The following FOXN3 variants were observed in gnomAD, a reference collection of about 807,000 sequenced individuals.
FOXN3 encodes forkhead box N3, also known as forkhead box protein N3.
Under a neutral mutation model 38.4 loss-of-function variants are expected in FOXN3, and 7 were observed. That is an observed-to-expected ratio of 0.18 (90% CI 0.10 to 0.34). The LOEUF (loss-of-function observed/expected upper bound fraction) is 0.34, where lower values mean the gene tolerates loss of function less well. FOXN3 is among the 10% of genes least tolerant of loss of function. The pLI is 1.00. For missense variants in FOXN3, 456 were observed against 613.4 expected (o/e 0.74, Z 2.71); for synonymous variants, 230 against 242.2 (o/e 0.95, Z 0.47).
chr14:89,410,436 A>T (rs1891514179), intron 2 of FOXN3, among the ~76,000 whole-genome samples: 1 of 152,214 alleles, frequency 6.6e-6, no homozygotes, highest in Non-Finnish European at 1.5e-5. Flanking sequence ...ACACAGTCAC[A>T]TGAAAACTTA....
chr14:89,375,423 A>AT (rs1179291896), intron 2 of FOXN3, among the ~76,000 whole-genome samples: 1 of 152,210 alleles, frequency 6.6e-6, no homozygotes, highest in Non-Finnish European at 1.5e-5. Flanking sequence ...TTCATACCAC[A>AT]TTTTAATTCA....
At chr14:89,226,764 T>C (rs757388653) in intron 4 of FOXN3, among the ~76,000 whole-genome samples, 2 of 152,148 alleles carry the variant, frequency 1.3e-5, no homozygotes, top group Non-Finnish European at 2.9e-5. Flanking sequence ...CCTAATCTAA[T>C]ATAAGCAGTA....
chr14:89,567,842 C>G (rs925587892), intron 1 of FOXN3, among the ~76,000 whole-genome samples: 6 of 151,736 alleles, frequency 4.0e-5, no homozygotes, highest in African/African-American at 1.5e-4. Flanking sequence ...CCTACCTCAG[C>G]CTCCAGAGTA....
rs1373954963 is a variant in FOXN3, at chr14:89,360,558, G to A, written c.544-9750C>T. 1.9e-4 allele frequency among the ~76,000 whole-genome samples: 5 copies of A among 26,732 alleles called. No individual in the cohort carries two copies. The Admixed American group carries it at 2.0e-3, about 11-fold the overall frequency. The allele number at this position is 26,732 out of a possible 152,430, so 17.5% of individuals were successfully genotyped here. A position where few individuals can be genotyped will look rare whatever the true frequency, so the allele number is the denominator to read the frequency against. On this transcript the variant is annotated intron_variant, in intron 2 of 5. Coordinates refer to ENST00000557258, the MANE Select transcript of FOXN3 (RefSeq NM_005197.4). ...GGACACAGAGGGAGTGACGGAAGGA[G>A]GTGAGGAGAGAGAGAGAGAGAAGAA...
intron 1 of FOXN3, among the ~76,000 whole-genome samples, chr14:89,413,656 A>AGAAGGGAAGG (rs59949057): frequency 0.56 from 72,998 of 129,520 alleles, 23,222 homozygotes; most frequent in Non-Finnish European, 0.67. Flanking sequence ...AAGGTAAGGA[A>AGAAGGGAAGG]GAAGGGAAGG....
chr14:89,503,452 G>C (rs1893843361), intron 1 of FOXN3, among the ~76,000 whole-genome samples: 1 of 152,164 alleles, frequency 6.6e-6, no homozygotes, highest in African/African-American at 2.4e-5. Context: ...TTCAAACCTG[G>C]TGTGGATTTC....
chr14:89,277,582 C>T (rs868768264), intron 4 of FOXN3, among the ~76,000 whole-genome samples: 1 of 152,130 alleles, frequency 6.6e-6, no homozygotes, highest in African/African-American at 2.4e-5. Context: ...GCCCCTCTTG[C>T]CAGTGATTCT....
chr14:89,281,292 G>T (rs938394539), intron 3 of FOXN3, among the ~76,000 whole-genome samples: 1 of 152,146 alleles, frequency 6.6e-6, no homozygotes, highest in Non-Finnish European at 1.5e-5. Context: ...AAATTCACAT[G>T]GTTTAACGGC....
Position 89,519,458 on chromosome 14 carries a change from G to A in FOXN3, c.-15+99570C>T, listed in dbSNP as rs570592045. Among the ~76,000 whole-genome samples, 58 of 152,284 alleles carry A rather than the reference G, an allele frequency of 3.8e-4. 1 individual carries two copies. The highest frequency in any genetic ancestry group is 1.9e-3 in the South Asian group (9 of 4,826). On this transcript the variant is annotated intron_variant, in intron 1 of 6. Coordinates refer to the FOXN3 transcript ENST00000345097. ...CATTATGTACGCGTCAGAAGAGCCTGGTCACAGTTCATGGAGAGCCACTGG... is the reference window on the plus strand; with the variant it reads ...CATTATGTACGCGTCAGAAGAGCCTAGTCACAGTTCATGGAGAGCCACTGG...
intron 4 of FOXN3, among the ~76,000 whole-genome samples, chr14:89,197,708 G>A (rs1038441489): frequency 6.6e-6 from 1 of 152,160 alleles, no homozygotes; most frequent in Non-Finnish European, 1.5e-5. Flanking sequence ...GCTCCCCAGG[G>A]CATAAGCCTC....
intron 1 of FOXN3, among the ~76,000 whole-genome samples, chr14:89,532,483 C>T (rs990348366): frequency 6.6e-6 from 1 of 151,942 alleles, no homozygotes; most frequent in African/African-American, 2.4e-5. Flanking sequence ...TTTTTAAAAC[C>T]CTCTTCCCTC....
chr14:89,346,598 G>A (rs368380480), intron 3 of FOXN3, among the ~76,000 whole-genome samples: 17 of 152,098 alleles, frequency 1.1e-4, no homozygotes, highest in African/African-American at 3.9e-4. Flanking sequence ...AGAGGTACCC[G>A]GTATCAACAT....
chr14:89,336,863 G>C (rs1888476346), intron 3 of FOXN3, among the ~76,000 whole-genome samples: 1 of 152,204 alleles, frequency 6.6e-6, no homozygotes, highest in African/African-American at 2.4e-5. Flanking sequence ...TTGTATTAGA[G>C]AAATTCAGGT....
intron 2 of FOXN3, among the ~76,000 whole-genome samples, chr14:89,409,897 G>T (rs1456110515): frequency 6.6e-6 from 1 of 152,168 alleles, no homozygotes; most frequent in East Asian, 1.9e-4. Flanking sequence ...CATGGTCAAG[G>T]AAATTCCTCT....
intron 1 of FOXN3, among the ~76,000 whole-genome samples, chr14:89,464,615 T>C (rs535798789): frequency 1.3e-5 from 2 of 152,244 alleles, no homozygotes; most frequent in South Asian, 4.1e-4. Context: ...GTTCTCATAA[T>C]CCCCATGTGT....
At chr14:89,271,652 A>T (rs1489852931) in intron 4 of FOXN3, among the ~76,000 whole-genome samples, 1 of 152,198 alleles carries the variant, frequency 6.6e-6, no homozygotes, top group East Asian at 1.9e-4. Flanking sequence ...TAATTTTAGG[A>T]TTTCCTTTTT....
At chr14:89,590,138 A>T (rs1428046460) in intron 1 of FOXN3, among the ~76,000 whole-genome samples, 1 of 150,268 alleles carries the variant, frequency 6.7e-6, no homozygotes, top group East Asian at 1.9e-4. Flanking sequence ...AATAGAGAAC[A>T]TTTTTTTTTT....
chr14:89,259,327 T>C (rs368707078), intron 4 of FOXN3, among the ~76,000 whole-genome samples: 7 of 152,212 alleles, frequency 4.6e-5, no homozygotes, highest in Admixed American at 3.9e-4. Flanking sequence ...GTGTTTCTCT[T>C]GGGTAATGAG....
chr14:89,617,061 A>G (rs1896509091), intron 1 of FOXN3, among the ~76,000 whole-genome samples: 2 of 151,910 alleles, frequency 1.3e-5, no homozygotes, highest in African/African-American at 4.8e-5. Context: ...GTCATGGTAG[A>G]GTATGTATGT....
Sources: gnomAD v4.1 joint callset for allele counts (sites outside exome capture counted in the v4.1 genomes callset) on GRCh38, gnomAD v4.1.1 for gene constraint, MANE v1.5 for transcripts, NCBI Gene and HGNC (gene_info 2026-07-23, HGNC 2026-07-21) for gene names.